TMF1: variants seen among roughly 807,000 people sequenced by gnomAD.
The protein encoded by TMF1 is TATA element modulatory factor.
A neutral mutation model predicts 126.5 loss-of-function variants in TMF1; 71 were observed. The observed-to-expected ratio is 0.56, with a 90% CI of 0.46 to 0.68. The LOEUF is 0.68. TMF1 is among the 30% of genes least tolerant of loss of function. TMF1 has a pLI of 0.00. For missense variants in TMF1, 1,259 were observed against 1,253.2 expected, an observed-to-expected ratio of 1.00 and a Z score of -0.07; for synonymous variants, 461 against 430.5, an observed-to-expected ratio of 1.07 and a Z score of -0.88.
At chr3:69,042,647 T>C (rs1262018615) in intron 5 of TMF1, 160 bp downstream of exon 5, 1 of 712,374 alleles carries the variant, frequency 1.4e-6, no homozygotes, top group East Asian at 2.7e-5. Flanking sequence ...CAATATATCT[T>C]ATTCCTCATT....
At chr3:69,046,723 T>C (rs2091897866) in intron 2 of TMF1, among the ~76,000 whole-genome samples, 1 of 152,192 alleles carries the variant, frequency 6.6e-6, no homozygotes. Context: ...CTGTCCCTCC[T>C]AAGCAATGCT....
At chr3:69,051,658 G>C (rs956058512) in intron 1 of TMF1, among the ~76,000 whole-genome samples, 4 of 152,090 alleles carry the variant, frequency 2.6e-5, no homozygotes, top group Non-Finnish European at 4.4e-5. Flanking sequence ...CGTCGAGGGA[G>C]AGCTTGAGGG....
chr3:69,042,925 A>C lies in TMF1; in HGVS notation c.1579-13T>G. The stretch of plus-strand genomic sequence containing the variant: ...TGTTTTTGATTTCCTAATAAAAAAG[A>C]AATCTGTGAATACCGTAAAGAATGA... On this transcript the variant is annotated splice_polypyrimidine_tract_variant and intron_variant, in intron 4 of 16. Coordinates refer to ENST00000398559, the MANE Select transcript of TMF1 (RefSeq NM_007114.3). The C allele has an allele frequency of 6.4e-7, 1 of 1,550,676 alleles. No homozygotes were observed. Among genetic ancestry groups the C allele is most frequent in the Non-Finnish European group, 8.9e-7 (1 of 1,124,066 alleles).
At chr3:69,046,740 C>G (rs1476010971) in intron 2 of TMF1, among the ~76,000 whole-genome samples, 1 of 152,120 alleles carries the variant, frequency 6.6e-6, no homozygotes, top group Non-Finnish European at 1.5e-5. Flanking sequence ...TGCTTTTGTT[C>G]CTTAGACATT....
chr3:69,047,313 C>T, intron 2 of TMF1, 45 bp downstream of exon 2: 1 of 1,497,602 alleles, frequency 6.7e-7, no homozygotes, highest in Non-Finnish European at 8.9e-7. Context: ...ATGATTTAAT[C>T]TCCAAAAAGC....
intron 1 of TMF1, among the ~76,000 whole-genome samples, chr3:69,050,575 G>A (rs1458728832): frequency 6.6e-6 from 1 of 152,028 alleles, no homozygotes; most frequent in Non-Finnish European, 1.5e-5. Flanking sequence ...GGCATTTTCC[G>A]AAAACAAATA....
At chr3:69,028,375 T>A in intron 11 of TMF1, 80 bp from the exon 12 acceptor site, 3 of 838,218 alleles carry the variant, frequency 3.6e-6, no homozygotes, top group Non-Finnish European at 5.8e-6. Flanking sequence ...AGTACTTTAT[T>A]AACTCCAGCT....
At chr3:69,028,616 T>TTA (rs1393022222) in intron 11 of TMF1, among the ~76,000 whole-genome samples, 1 of 152,256 alleles carries the variant, frequency 6.6e-6, no homozygotes, top group Non-Finnish European at 1.5e-5. Flanking sequence ...ACAAAGCTTA[T>TTA]TAGGGAGTTC....
At chr3:69,040,033 G>A (rs1459609901) in intron 5 of TMF1, among the ~76,000 whole-genome samples, 1 of 152,190 alleles carries the variant, frequency 6.6e-6, no homozygotes, top group East Asian at 1.9e-4. Flanking sequence ...GTCTGCTGAT[G>A]TGATATAGTT....
intron 1 of TMF1, among the ~76,000 whole-genome samples, chr3:69,050,727 A>G (rs1284240525): frequency 6.6e-6 from 1 of 152,228 alleles, no homozygotes; most frequent in Non-Finnish European, 1.5e-5. Context: ...ACATACACAC[A>G]TGGACCAAAA....
At chr3:69,024,238 A>C in intron 15 of TMF1, 58 bp from the exon 16 acceptor site, 1 of 1,384,416 alleles carries the variant, frequency 7.2e-7, no homozygotes, top group Non-Finnish European at 9.6e-7. Flanking sequence ...TAATACTCCC[A>C]GTAATATAAA....
rs764793888 is a variant in TMF1, at chr3:69,044,524, T to G, written c.1419A>C (p.Ala473=). 1.3e-6 allele frequency: 2 copies of G among 1,598,750 alleles called. No individual in the cohort carries two copies. Among genetic ancestry groups the G allele is most frequent in the Non-Finnish European group, 1.7e-6 (2 of 1,175,268 alleles). The change falls in exon 3 of 17, where the codon GCA becomes GCC. Residue 473 remains alanine, a synonymous_variant. Transcript: ENST00000398559. ...AQLLSLSKEK[A]LLEEAFDNLK... ...GGTTATCAAAAGCTTCTTCTAGAAGTGCTTTTTCCTTACTAAGAGATAATA... is the reference window on the plus strand; with the variant it reads ...GGTTATCAAAAGCTTCTTCTAGAAGGGCTTTTTCCTTACTAAGAGATAATA...
chr3:69,025,716 T>C lies in TMF1; in HGVS notation c.2860-4A>G. 6.8e-6 allele frequency: 11 copies of C among 1,610,030 alleles called. No individual in the cohort carries two copies. The highest frequency in any genetic ancestry group is 9.3e-6 in the Non-Finnish European group (11 of 1,178,690). On this transcript the variant is annotated splice_region_variant and splice_polypyrimidine_tract_variant and intron_variant, in intron 14 of 16. Coordinates refer to ENST00000398559, the MANE Select transcript of TMF1 (RefSeq NM_007114.3). ...ATGAGTGATCATGAGACTCATCCTA[T>C]GTTAATTAAGAAAGTTCACACAGTT...
Position 69,050,443 on chromosome 3 carries a change from T to C in TMF1, c.142+1502A>G, listed in dbSNP as rs371833369. ...ATATGCAAATGAACAACCAAGATTATGTCTGATTAATTTAAATACATTCAA... is the reference window on the plus strand; with the variant it reads ...ATATGCAAATGAACAACCAAGATTACGTCTGATTAATTTAAATACATTCAA... On this transcript the variant is annotated intron_variant, in intron 1 of 16. Coordinates refer to ENST00000398559, the MANE Select transcript of TMF1 (RefSeq NM_007114.3). Among the ~76,000 whole-genome samples, 13 of 151,726 alleles carry C rather than the reference T, an allele frequency of 8.6e-5. 1 individual carries two copies. In the South Asian group the frequency reaches 2.5e-3, roughly 29 times the overall value.
chr3:69,039,294 G>C (rs530063582), intron 6 of TMF1, among the ~76,000 whole-genome samples: 2 of 152,124 alleles, frequency 1.3e-5, no homozygotes, highest in Non-Finnish European at 2.9e-5. Flanking sequence ...CAGAGACAGG[G>C]TTTCGCCTTG....
intron 15 of TMF1, 126 bp downstream of exon 15, chr3:69,025,434 G>T: frequency 3.6e-6 from 3 of 832,700 alleles, no homozygotes; most frequent in Middle Eastern, 3.5e-4. Flanking sequence ...ATACATTTTG[G>T]GCTTCACATG....
chr3:69,028,296 C>G lies in TMF1; in HGVS notation c.2595-1G>C. 1 of 1,604,798 alleles carries G rather than the reference C, an allele frequency of 6.2e-7. No homozygotes were observed. Among genetic ancestry groups the G allele is most frequent in the Non-Finnish European group, 8.5e-7 (1 of 1,172,566 alleles). ...TAGGTTTTCCAATTCAACCTGGTAC[C>G]TATTAAACAAGGCAGAATTTAAAAA... On this transcript the variant is annotated splice_acceptor_variant, in intron 11 of 16. Transcript: ENST00000398559. LOFTEE classifies it high-confidence loss of function.
chr3:69,045,840 G>A (rs1026150607), intron 2 of TMF1, among the ~76,000 whole-genome samples: 71 of 151,922 alleles, frequency 4.7e-4, no homozygotes, highest in Admixed American at 4.5e-3. Context: ...TGGGAAGACC[G>A]CTTGAGCCCA....
At chr3:69,044,450 C>A in intron 3 of TMF1, 42 bp downstream of exon 3, 2 of 1,161,444 alleles carry the variant, frequency 1.7e-6, no homozygotes, top group Non-Finnish European at 2.5e-6. Context: ...ATACAGGTTT[C>A]CAGAAAATGT....
Sources: allele counts gnomAD v4.1 joint callset (sites outside exome capture counted in the v4.1 genomes callset), GRCh38; gene constraint gnomAD v4.1.1; transcripts MANE v1.5; gene names NCBI Gene and HGNC (gene_info 2026-07-23, HGNC 2026-07-21).